Variants in HPSE2 observed in about 807,000 individuals in gnomAD.
HPSE2 encodes the protein heparanase 2 (inactive), also known as inactive heparanase-2.
Under a neutral mutation model 60.5 loss-of-function variants are expected in HPSE2, and 38 were observed. That is an observed-to-expected ratio of 0.63 (90% CI 0.48 to 0.82). HPSE2 has a LOEUF of 0.82. Among genes scored for constraint, HPSE2 ranks in the 40% least tolerant of loss-of-function variants. HPSE2 has a pLI of 0.00. For missense variants in HPSE2, 713 were observed against 740.4 expected (o/e 0.96, Z 0.43); for synonymous variants, 295 against 293.2 (o/e 1.01, Z -0.06).
At chr10:99,100,398 G>A (rs1714566675) in intron 3 of HPSE2, among the ~76,000 whole-genome samples, 1 of 152,184 alleles carries the variant, frequency 6.6e-6, no homozygotes, top group African/African-American at 2.4e-5. Context: ...ATCAGTGACT[G>A]AAGATCAAAT....
intron 3 of HPSE2, among the ~76,000 whole-genome samples, chr10:99,023,175 C>G (rs774838800): frequency 6.6e-6 from 1 of 151,992 alleles, no homozygotes; most frequent in Non-Finnish European, 1.5e-5. Context: ...CTTAAGAGCC[C>G]GTGGGTCTTA....
At chr10:99,313,592 A>ATTTTTTTTTTTT in the HPSE2 span, among the ~76,000 whole-genome samples, 1 of 84,622 alleles carries the variant, frequency 1.2e-5, no homozygotes, top group Non-Finnish European at 2.0e-5. Context: ...ACTGACTCCA[A>ATTTTTTTTTTTT]TTTTTTTTTT....
chr10:99,083,966 C>CTTTTTTT (rs34799799), intron 3 of HPSE2, among the ~76,000 whole-genome samples: 11 of 79,760 alleles, frequency 1.4e-4, no homozygotes, highest in East Asian at 1.2e-3. Flanking sequence ...GTGTGAAAGC[C>CTTTTTTT]TTTTTTTTTT....
intron 11 of HPSE2, among the ~76,000 whole-genome samples, chr10:98,476,557 C>T (rs202130198): frequency 3.3e-5 from 5 of 151,828 alleles, no homozygotes; most frequent in Non-Finnish European, 1.5e-5. Flanking sequence ...TGGGAGGCTG[C>T]GGCAGGTGGA....
At chr10:99,186,363 T>C (rs1848023296) in intron 2 of HPSE2, among the ~76,000 whole-genome samples, 1 of 151,630 alleles carries the variant, frequency 6.6e-6, no homozygotes, top group Admixed American at 6.6e-5. Context: ...GCCAATATGG[T>C]GAAACCCTGT....
chr10:99,063,677 A>G (rs1842520658), intron 3 of HPSE2, among the ~76,000 whole-genome samples: 1 of 152,186 alleles, frequency 6.6e-6, no homozygotes, highest in African/African-American at 2.4e-5. Context: ...AAAATAACTA[A>G]ATTAATGGTA....
chr10:98,560,391 TGGAGGAAGGCGCAAAGCC>T (rs1944137184), intron 9 of HPSE2, among the ~76,000 whole-genome samples: 1 of 152,150 alleles, frequency 6.6e-6, no homozygotes, highest in Non-Finnish European at 1.5e-5. Flanking sequence ...AACAGGCAGG[TGGAGGAAGGCGCAAAGCC>T]ACACAGTACA....
At chr10:98,973,585 T>G (rs925969784) in intron 3 of HPSE2, among the ~76,000 whole-genome samples, 1 of 152,194 alleles carries the variant, frequency 6.6e-6, no homozygotes. Flanking sequence ...CCTACAAAAC[T>G]TTAAAAAGCA....
intron 3 of HPSE2, among the ~76,000 whole-genome samples, chr10:99,017,634 G>A (rs537038188): frequency 4.2e-4 from 64 of 152,154 alleles, no homozygotes; most frequent in African/African-American, 9.9e-4. Flanking sequence ...GGTAGAAATC[G>A]GCTGTGAATC....
Position 98,561,153 on chromosome 10 carries a change from G to GT in HPSE2, c.1320+53750dup, listed in dbSNP as rs752774680. On this transcript the variant is annotated intron_variant, in intron 9 of 11. Coordinates refer to ENST00000370552, the MANE Select transcript of HPSE2 (RefSeq NM_021828.5). ...GTGGAGGTGCAAGAAAGTGATACTG[G>GT]TTTTTTTTTTTGTTCTTTTTTTTGT... is the stretch of plus-strand genomic sequence containing the variant. Among the ~76,000 whole-genome samples, 669 of 113,184 alleles carry GT rather than the reference G, an allele frequency of 5.9e-3. 2 individuals are homozygous for GT. Among genetic ancestry groups the GT allele is most frequent in the South Asian group, 0.013 (36 of 2,876 alleles). The allele number at this position is 113,184 out of a possible 152,430, so 74.3% of individuals were successfully genotyped here. A position where few individuals can be genotyped will look rare whatever the true frequency, so the allele number is the denominator to read the frequency against.
intron 3 of HPSE2, among the ~76,000 whole-genome samples, chr10:98,766,154 T>C (rs1341479212): frequency 6.6e-6 from 1 of 151,998 alleles, no homozygotes; most frequent in Non-Finnish European, 1.5e-5. Context: ...CTATCCACTA[T>C]CCATAAATTC....
intron 3 of HPSE2, among the ~76,000 whole-genome samples, chr10:98,801,293 T>C (rs1020553128): frequency 6.6e-6 from 1 of 151,738 alleles, no homozygotes; most frequent in Admixed American, 6.6e-5. Context: ...CTCTAATATA[T>C]GGAACAAAAC....
the HPSE2 span, among the ~76,000 whole-genome samples, chr10:99,305,979 G>GCGCGCACACACA: frequency 3.0e-3 from 241 of 80,576 alleles, 4 homozygotes; most frequent in East Asian, 0.017. Context: ...GCGCGCGCGC[G>GCGCGCACACACA]CACACACACA....
Position 98,587,420 on chromosome 10 carries a change from T to C in HPSE2, c.1320+27484A>G, listed in dbSNP as rs549409289. ...GGTTATGGCCATATCATCAGAACAG[T>C]TGCTCAGGAAACAGCCTCATACATG... is the stretch of plus-strand genomic sequence containing the variant. On this transcript the variant is annotated intron_variant, in intron 9 of 11. Transcript: ENST00000370552. Among the ~76,000 whole-genome samples, 187 of 152,294 alleles carry C rather than the reference T, an allele frequency of 1.2e-3. 3 individuals carry two copies. The highest frequency in any genetic ancestry group is 3.7e-4 in the Non-Finnish European group (25 of 68,020).
intron 6 of HPSE2, among the ~76,000 whole-genome samples, chr10:98,657,839 T>C (rs998258851): frequency 1.3e-4 from 20 of 152,204 alleles, no homozygotes; most frequent in African/African-American, 4.6e-4. Flanking sequence ...TATGTTTTCC[T>C]GGGGCTGGAA....
At chr10:98,649,097 C>G (rs779436832) in intron 6 of HPSE2, among the ~76,000 whole-genome samples, 1 of 152,108 alleles carries the variant, frequency 6.6e-6, no homozygotes, top group Non-Finnish European at 1.5e-5. Context: ...TGCCAGAACC[C>G]AACCATCTAT....
At chr10:98,847,974 T>A (rs1952073363) in intron 3 of HPSE2, among the ~76,000 whole-genome samples, 1 of 152,244 alleles carries the variant, frequency 6.6e-6, no homozygotes. Flanking sequence ...CGAAACTTTA[T>A]GCACTAGCTA....
the HPSE2 span, among the ~76,000 whole-genome samples, chr10:99,273,516 A>G: frequency 6.6e-5 from 10 of 152,238 alleles, no homozygotes; most frequent in Non-Finnish European, 1.5e-4. Flanking sequence ...TAATTTACAA[A>G]TGATAGACAA....
intron 3 of HPSE2, among the ~76,000 whole-genome samples, chr10:98,761,284 C>G (rs1440150849): frequency 2.0e-5 from 3 of 151,974 alleles, no homozygotes; most frequent in Admixed American, 1.3e-4. Context: ...TAGAAAAGAT[C>G]AAGGAAGCTA....
Sources: allele counts gnomAD v4.1 joint callset (sites outside exome capture counted in the v4.1 genomes callset), GRCh38; gene constraint gnomAD v4.1.1; transcripts MANE v1.5; gene names NCBI Gene and HGNC (gene_info 2026-07-23, HGNC 2026-07-21).